The following PTK2 variants were observed in gnomAD, a reference collection of about 807,000 sequenced individuals.
The protein encoded by PTK2 is protein tyrosine kinase 2, also known as focal adhesion kinase 1.
A neutral mutation model predicts 150.1 loss-of-function variants in PTK2; 45 were observed. The observed-to-expected ratio is 0.30, with a 90% CI of 0.24 to 0.38. The LOEUF (loss-of-function observed/expected upper bound fraction) is 0.38. PTK2 is among the 10% of genes least tolerant of loss of function. The pLI, the probability that PTK2 is intolerant of heterozygous loss-of-function variation, is 1.00. For synonymous variants in PTK2, 432 were observed against 449.2 expected (o/e 0.96, Z 0.48); for missense variants, 919 against 1,307.3 (o/e 0.70, Z 4.58).
rs564711772 is a variant in PTK2, at chr8:140,691,491, TCTC to T, written c.2500-4800_2500-4798del. On this transcript the variant is annotated intron_variant, in intron 26 of 31. Coordinates refer to ENST00000522684, the Ensembl canonical transcript of PTK2. ...ATAATATATTGTTGTAATTTGCTCC[TCTC>T]CTCCTCCCTTTCCCCAAATAGTTGA... 1.5e-4 allele frequency among the ~76,000 whole-genome samples: 23 copies of T among 152,310 alleles called. No individual in the cohort carries two copies. In the East Asian group the frequency reaches 4.4e-3, roughly 29 times the overall value.
chr8:140,917,401 G>C (rs1225047415), intron 2 of PTK2, among the ~76,000 whole-genome samples: 3 of 152,012 alleles, frequency 2.0e-5, no homozygotes, highest in Admixed American at 1.3e-4. Flanking sequence ...GATGAGAGGA[G>C]AGGAGAGGAA....
intron 26 of PTK2, among the ~76,000 whole-genome samples, chr8:140,693,569 A>T (rs1337147485): frequency 0.023 from 898 of 38,298 alleles, 128 homozygotes; most frequent in African/African-American, 0.069. Flanking sequence ...TCAATTAAAA[A>T]AAAAAAAAAA....
intron 8 of PTK2, among the ~76,000 whole-genome samples, chr8:140,826,681 G>C (rs1027579054): frequency 6.6e-6 from 1 of 152,040 alleles, no homozygotes. Context: ...TTTGGGAGGC[G>C]GAGGCGGGTG....
At chr8:140,697,643 C>T (rs1564592829) in intron 26 of PTK2, among the ~76,000 whole-genome samples, 2 of 152,050 alleles carry the variant, frequency 1.3e-5, no homozygotes, top group Non-Finnish European at 1.5e-5. Flanking sequence ...AGGCCGGTCT[C>T]GAACTCCTGA....
intron 9 of PTK2, 94 bp from the exon 10 acceptor site, chr8:140,818,448 A>G: frequency 9.0e-7 from 1 of 1,109,914 alleles, no homozygotes; most frequent in South Asian, 1.3e-5. Context: ...GGACCAAAGC[A>G]GGGGCTGGTT....
chr8:140,956,360 G>A (rs189768683), intron 1 of PTK2, among the ~76,000 whole-genome samples: 2 of 152,280 alleles, frequency 1.3e-5, no homozygotes, highest in Middle Eastern at 3.4e-3. Context: ...AGCCACTTGG[G>A]GGAAATAATA....
rs536067842 is a variant in PTK2, at chr8:140,690,180, C to G, written c.2500-3486G>C. Among the ~76,000 whole-genome samples, 11 of 150,640 alleles carry G rather than the reference C, an allele frequency of 7.3e-5. No individual in the cohort carries two copies. In the South Asian group the frequency reaches 2.3e-3, roughly 31 times the overall value. On this transcript the variant is annotated intron_variant, in intron 26 of 31. Coordinates refer to ENST00000522684, the Ensembl canonical transcript of PTK2. Reference sequence around the variant, plus strand: ...GGTTAGCCAGGATGGTCTCGATCACCTGACCTCATGATCTGCCCGCCTCGG... The same window carrying G: ...GGTTAGCCAGGATGGTCTCGATCACGTGACCTCATGATCTGCCCGCCTCGG...
Position 140,671,953 on chromosome 8 carries a change from C to T in PTK2, c.2709+2345G>A, listed in dbSNP as rs573684722. ...TCTCAGGGGGGCGGGGGGCGGGAAT[C>T]TTTACTTAATATATTTTAAGTACAC... On this transcript the variant is annotated intron_variant, in intron 29 of 31. Coordinates refer to ENST00000522684, the Ensembl canonical transcript of PTK2. Among the ~76,000 whole-genome samples the T allele has an allele frequency of 1.9e-4, 29 of 150,300 alleles. No individual in the cohort carries two copies. In the South Asian group the frequency reaches 6.0e-3, roughly 31 times the overall value.
intron 22 of PTK2, among the ~76,000 whole-genome samples, chr8:140,725,016 A>C (rs1431041046): frequency 6.6e-6 from 1 of 152,212 alleles, no homozygotes; most frequent in African/African-American, 2.4e-5. Context: ...TATTGAAATC[A>C]TATTTCTCTC....
At chr8:140,713,078 T>TTC (rs1400192828) in intron 23 of PTK2, among the ~76,000 whole-genome samples, 1 of 152,232 alleles carries the variant, frequency 6.6e-6, no homozygotes, top group Non-Finnish European at 1.5e-5. Context: ...TAACATGCCC[T>TTC]TCCCATGTCT....
intron 14 of PTK2, 40 bp downstream of exon 14, chr8:140,789,434 T>G: frequency 6.2e-7 from 1 of 1,602,706 alleles, no homozygotes; most frequent in Non-Finnish European, 8.5e-7. Flanking sequence ...TCTTACCCCA[T>G]GAGAGTGCTT....
intron 11 of PTK2, 60 bp downstream of exon 11, chr8:140,803,483 A>T (rs563016465): frequency 1.4e-6 from 2 of 1,398,038 alleles, no homozygotes; most frequent in East Asian, 4.6e-5. Context: ...AAAAGTCAAC[A>T]ATTCTAAAAC....
At chr8:140,942,093 T>C (rs1436834405) in intron 1 of PTK2, among the ~76,000 whole-genome samples, 3 of 148,450 alleles carry the variant, frequency 2.0e-5, no homozygotes, top group Non-Finnish European at 4.5e-5. Flanking sequence ...TGTTGCCATG[T>C]TGTTCAAACT....
At chr8:140,997,082 G>A (rs998320365) in intron 1 of PTK2, among the ~76,000 whole-genome samples, 6 of 152,168 alleles carry the variant, frequency 3.9e-5, no homozygotes, top group African/African-American at 4.8e-5. Flanking sequence ...GCTTCCAACC[G>A]TCATGGATAA....
At chr8:141,001,237 G>T, upstream of PTK2, 1 of 147,942 alleles carries the variant, frequency 6.8e-6, no homozygotes, top group South Asian at 1.9e-4. Flanking sequence ...AGTGGTCCGG[G>T]ACCGGCGGCG....
At chr8:140,773,681 T>G (rs1203856828) in intron 14 of PTK2, among the ~76,000 whole-genome samples, 2 of 152,146 alleles carry the variant, frequency 1.3e-5, no homozygotes, top group African/African-American at 4.8e-5. Flanking sequence ...ATGCACTCAG[T>G]GAGGTCCCAG....
intron 14 of PTK2, among the ~76,000 whole-genome samples, chr8:140,785,691 GA>G (rs1219478212): frequency 2.3e-4 from 35 of 152,164 alleles, no homozygotes; most frequent in Non-Finnish European, 3.4e-4. Context: ...AATTGCTCAT[GA>G]CAGGCAATAG....
chr8:140,794,183 A>G (rs1180833434), intron 12 of PTK2, among the ~76,000 whole-genome samples: 2 of 152,180 alleles, frequency 1.3e-5, no homozygotes, highest in Non-Finnish European at 2.9e-5. Context: ...CAAATTACCA[A>G]TTCATCAATC....
intron 26 of PTK2, among the ~76,000 whole-genome samples, chr8:140,695,107 A>C (rs754061066): frequency 6.6e-6 from 1 of 152,194 alleles, no homozygotes; most frequent in Non-Finnish European, 1.5e-5. Context: ...ACCTGGCATC[A>C]TCATGTTTCC....
Sources: gnomAD v4.1 joint callset for allele counts (sites outside exome capture counted in the v4.1 genomes callset) on GRCh38, gnomAD v4.1.1 for gene constraint, MANE v1.5 for transcripts, NCBI Gene and HGNC (gene_info 2026-07-23, HGNC 2026-07-21) for gene names.